DAB1: variants seen among roughly 807,000 people sequenced by gnomAD.
DAB1 encodes the protein disabled homolog 1.
A neutral mutation model predicts 64.6 loss-of-function variants in DAB1; 15 were observed. That is an observed-to-expected ratio of 0.23 (90% CI 0.16 to 0.36). DAB1 has a LOEUF of 0.36. Among genes scored for constraint, DAB1 ranks in the 10% least tolerant of loss-of-function variants. The pLI, the probability that DAB1 is intolerant of heterozygous loss-of-function variation, is 1.00. For synonymous variants in DAB1, 235 were observed against 251.9 expected (o/e 0.93, Z 0.64); for missense variants, 596 against 706.7 (o/e 0.84, Z 1.78).
chr1:57,045,472 C>T (rs571481641), intron 9 of DAB1, among the ~76,000 whole-genome samples: 3 of 152,144 alleles, frequency 2.0e-5, no homozygotes, highest in East Asian at 3.9e-4. Context: ...CCAAGGCAGG[C>T]GGATCACTTG....
chr1:57,310,850 G>C (rs540550725), intron 1 of DAB1, among the ~76,000 whole-genome samples: 53 of 152,194 alleles, frequency 3.5e-4, no homozygotes, highest in Non-Finnish European at 6.6e-4. Flanking sequence ...TACAGATAGA[G>C]AGATGGGCAT....
At chr1:57,223,757 C>G (rs867851013) in intron 2 of DAB1, among the ~76,000 whole-genome samples, 13 of 152,150 alleles carry the variant, frequency 8.5e-5, no homozygotes, top group Middle Eastern at 3.2e-3. Context: ...TAAACACCCC[C>G]AAACTCAGGT....
chr1:57,646,624 C>T (rs530504412), intron 7 of DAB1, among the ~76,000 whole-genome samples: 2 of 152,236 alleles, frequency 1.3e-5, no homozygotes, highest in South Asian at 4.2e-4. Flanking sequence ...TGGTGTGTGC[C>T]TGTAGTCCTA....
At chr1:57,930,492 T>C (rs151077856) in intron 5 of DAB1, among the ~76,000 whole-genome samples, 1 of 152,370 alleles carries the variant, frequency 6.6e-6, no homozygotes, top group East Asian at 1.9e-4. Context: ...TTGACAGCAT[T>C]GAGTCTTCCT....
Position 56,995,030 on chromosome 1 carries a change from C to A in DAB1, c.*3114G>T, listed in dbSNP as rs948690642. 6.6e-6 allele frequency: 1 copy of A among 152,100 alleles called. No individual in the cohort carries two copies. The highest frequency in any genetic ancestry group is 3.2e-3 in the Middle Eastern group (1 of 316). The allele number at this position is 152,100 out of a possible 1,614,324, so 9.4% of individuals were successfully genotyped here. ...GTCAGAACGCAGAAATTGAAATGAA[C>A]CAAACCCACAGAGTAAACATTTGTT... On this transcript the variant is annotated 3_prime_UTR_variant, in exon 15 of 15. Coordinates refer to ENST00000371236, the MANE Select transcript of DAB1 (RefSeq NM_001365792.1).
At chr1:58,141,226 T>C (rs1456444812) in intron 5 of DAB1, among the ~76,000 whole-genome samples, 2 of 152,132 alleles carry the variant, frequency 1.3e-5, no homozygotes, top group Non-Finnish European at 2.9e-5. Flanking sequence ...AGAGGTTTTA[T>C]TGACTCACAG....
At chr1:58,100,711 G>T (rs1006984734) in intron 5 of DAB1, among the ~76,000 whole-genome samples, 3 of 152,084 alleles carry the variant, frequency 2.0e-5, no homozygotes, top group Non-Finnish European at 4.4e-5. Context: ...TTTGATTATT[G>T]AATATCACCA....
chr1:57,538,641 AC>A (rs747715451), intron 7 of DAB1, among the ~76,000 whole-genome samples: 39 of 152,328 alleles, frequency 2.6e-4, no homozygotes, highest in Non-Finnish European at 4.9e-4. Flanking sequence ...ATTACTCAGC[AC>A]ATGAGAACAG....
intron 14 of DAB1, among the ~76,000 whole-genome samples, chr1:57,006,033 A>G (rs909318973): frequency 6.6e-6 from 1 of 152,246 alleles, no homozygotes; most frequent in African/African-American, 2.4e-5. Flanking sequence ...TTATTAGAAC[A>G]CAGCTACATT....
intron 1 of DAB1, among the ~76,000 whole-genome samples, chr1:57,402,620 G>T (rs1358326002): frequency 1.3e-5 from 2 of 152,142 alleles, no homozygotes; most frequent in African/African-American, 4.8e-5. Context: ...CTAAGAAGGA[G>T]CTTAGGCAAT....
intron 5 of DAB1, among the ~76,000 whole-genome samples, chr1:57,990,711 A>C (rs983677483): frequency 6.6e-6 from 1 of 152,138 alleles, no homozygotes; most frequent in Non-Finnish European, 1.5e-5. Flanking sequence ...AATATGGGGA[A>C]TCTAGGGGCA....
intron 4 of DAB1, among the ~76,000 whole-genome samples, chr1:58,304,930 G>C (rs560207330): frequency 6.6e-6 from 1 of 152,060 alleles, no homozygotes; most frequent in East Asian, 1.9e-4. Context: ...GGACACAAAT[G>C]TTTTTATACA....
rs1383024318 is a variant in DAB1, at chr1:56,995,375, T to G, written c.*2769A>C. The stretch of plus-strand genomic sequence containing the variant: ...TACTCCTGGGACAGGATACGGTGCT[T>G]CCAGGCTCACCAAACAGTGCTTGGA... On this transcript the variant is annotated 3_prime_UTR_variant, in exon 15 of 15. Coordinates refer to ENST00000371236, the MANE Select transcript of DAB1 (RefSeq NM_001365792.1). 6.6e-6 allele frequency: 1 copy of G among 152,228 alleles called. No homozygotes were observed. The highest frequency in any genetic ancestry group is 1.5e-5 in the Non-Finnish European group (1 of 68,048). The allele number at this position is 152,228 out of a possible 1,614,324, so 9.4% of individuals were successfully genotyped here. A position where few individuals can be genotyped will look rare whatever the true frequency, so the allele number is the denominator to read the frequency against.
intron 4 of DAB1, among the ~76,000 whole-genome samples, chr1:58,188,494 C>G (rs2100222143): frequency 6.6e-6 from 1 of 152,276 alleles, no homozygotes; most frequent in South Asian, 2.1e-4. Flanking sequence ...TCTAAAATAG[C>G]ATGTTCCTAC....
chr1:57,467,842 C>T (rs1687005554), intron 7 of DAB1, among the ~76,000 whole-genome samples: 1 of 152,182 alleles, frequency 6.6e-6, no homozygotes, highest in Non-Finnish European at 1.5e-5. Context: ...GAAAGAAAAA[C>T]TTGAGCTGGT....
chr1:58,476,881 G>A (rs772084498), intron 3 of DAB1, among the ~76,000 whole-genome samples: 2 of 152,194 alleles, frequency 1.3e-5, no homozygotes, highest in African/African-American at 2.4e-5. Context: ...AGTACATGGA[G>A]GAAGAGGACG....
chr1:57,225,571 C>A (rs1175908427), intron 2 of DAB1, among the ~76,000 whole-genome samples: 1 of 152,110 alleles, frequency 6.6e-6, no homozygotes, highest in Non-Finnish European at 1.5e-5. Flanking sequence ...AGCCACAGTC[C>A]CTGCTCTCAA....
chr1:58,098,721 C>G (rs1199197914), intron 5 of DAB1, among the ~76,000 whole-genome samples: 1 of 152,148 alleles, frequency 6.6e-6, no homozygotes, highest in Non-Finnish European at 1.5e-5. Flanking sequence ...AGAGGAAATT[C>G]AGACACAAAC....
At chr1:58,333,601 T>C (rs540210710) in intron 4 of DAB1, among the ~76,000 whole-genome samples, 3 of 152,234 alleles carry the variant, frequency 2.0e-5, no homozygotes, top group Non-Finnish European at 4.4e-5. Flanking sequence ...TAATTTGGCT[T>C]GGCAGGATTC....
Sources: allele counts gnomAD v4.1 joint callset (sites outside exome capture counted in the v4.1 genomes callset), GRCh38; gene constraint gnomAD v4.1.1; transcripts MANE v1.5; gene names NCBI Gene and HGNC (gene_info 2026-07-23, HGNC 2026-07-21).